Variants in PRELID2 observed in about 807,000 individuals in gnomAD.
The protein encoded by PRELID2 is PRELI domain-containing protein 2.
Under a neutral mutation model 28.4 loss-of-function variants are expected in PRELID2, and 25 were observed. The observed-to-expected ratio is 0.88, with a 90% CI of 0.64 to 1.23. PRELID2 has a LOEUF of 1.23. Ranked by LOEUF, PRELID2 falls within the 50% of genes most tolerant of loss-of-function variation. The pLI is 0.00. For synonymous variants in PRELID2, 76 were observed against 71.6 expected, an observed-to-expected ratio of 1.06 and a Z score of -0.31; for missense variants, 201 against 214.4, an observed-to-expected ratio of 0.94 and a Z score of 0.39.
At chr5:145,337,562 C>T in the PRELID2 span, among the ~76,000 whole-genome samples, 1 of 151,620 alleles carries the variant, frequency 6.6e-6, no homozygotes, top group Admixed American at 6.6e-5. Flanking sequence ...CCAACTTGCT[C>T]CTCAGGTCCA....
intron 1 of PRELID2, among the ~76,000 whole-genome samples, chr5:145,708,258 T>A (rs1472897828): frequency 1.4e-5 from 2 of 147,764 alleles, no homozygotes; most frequent in Non-Finnish European, 1.5e-5. Context: ...AAGGAAAAAA[T>A]AAATTTTGGA....
chr5:145,780,323 A>G (rs1382297812), intron 5 of PRELID2, among the ~76,000 whole-genome samples: 2 of 152,200 alleles, frequency 1.3e-5, no homozygotes, highest in Non-Finnish European at 2.9e-5. Flanking sequence ...ACAACTGATC[A>G]TTTGTTGTTG....
the PRELID2 span, among the ~76,000 whole-genome samples, chr5:145,248,594 C>T: frequency 1.3e-5 from 2 of 150,088 alleles, no homozygotes; most frequent in African/African-American, 5.0e-5. Context: ...AGAGATCGAT[C>T]GAGAACATCC....
chr5:145,673,624 T>C (rs1171687670), intron 1 of PRELID2, among the ~76,000 whole-genome samples: 2 of 151,944 alleles, frequency 1.3e-5, no homozygotes, highest in African/African-American at 2.4e-5. Flanking sequence ...TAAATATAAA[T>C]GGGCATAATA....
chr5:145,640,500 C>T (rs1227405199), intron 1 of PRELID2, among the ~76,000 whole-genome samples: 2 of 138,900 alleles, frequency 1.4e-5, no homozygotes, highest in Admixed American at 1.5e-4. Context: ...AAAAATTGGC[C>T]GGCCATGGTG....
At chr5:145,701,815 G>T (rs1423454884) in intron 1 of PRELID2, among the ~76,000 whole-genome samples, 4 of 152,184 alleles carry the variant, frequency 2.6e-5, no homozygotes, top group Non-Finnish European at 5.9e-5. Flanking sequence ...ACTTTGGGAG[G>T]CCAAGGTGGG....
At chr5:145,784,233 TAAA>T (rs11299722) in intron 5 of PRELID2, among the ~76,000 whole-genome samples, 22 of 136,224 alleles carry the variant, frequency 1.6e-4, no homozygotes, top group Admixed American at 2.9e-4. Context: ...GTGGTGAGCT[TAAA>T]AAAAAAAAAA....
the PRELID2 span, among the ~76,000 whole-genome samples, chr5:145,296,641 G>T: frequency 4.6e-3 from 697 of 152,156 alleles, 4 homozygotes; most frequent in African/African-American, 0.016. Context: ...GAATAGTGCC[G>T]CAATAAACAT....
intron 2 of PRELID2, 24 bp downstream of exon 2, chr5:145,823,053 G>GA (rs1450588761): frequency 4.7e-6 from 6 of 1,268,232 alleles, no homozygotes; most frequent in African/African-American, 2.9e-5. Flanking sequence ...GATCATTACT[G>GA]AAAAAACTGT....
At chr5:145,362,688 G>T in the PRELID2 span, among the ~76,000 whole-genome samples, 1 of 152,066 alleles carries the variant, frequency 6.6e-6, no homozygotes, top group Admixed American at 6.6e-5. Context: ...ATGAATTTTA[G>T]GCTTACTAAT....
chr5:145,523,576 G>A (rs1752581719), intron 1 of PRELID2, among the ~76,000 whole-genome samples: 1 of 152,116 alleles, frequency 6.6e-6, no homozygotes, highest in Non-Finnish European at 1.5e-5. Flanking sequence ...CTGGTAGGTG[G>A]CCACCATCTC....
chr5:145,638,363 T>C (rs1754038848), intron 1 of PRELID2, among the ~76,000 whole-genome samples: 1 of 152,184 alleles, frequency 6.6e-6, no homozygotes, highest in Non-Finnish European at 1.5e-5. Flanking sequence ...GCTGCTTTTA[T>C]CCTGACAACA....
At chr5:145,797,094 T>C (rs1036330552) in intron 4 of PRELID2, among the ~76,000 whole-genome samples, 5 of 152,156 alleles carry the variant, frequency 3.3e-5, no homozygotes, top group Non-Finnish European at 7.4e-5. Context: ...TGTCACCATC[T>C]CTACCAATTT....
At chr5:145,677,352 A>G (rs1291298528) in intron 1 of PRELID2, among the ~76,000 whole-genome samples, 2 of 151,942 alleles carry the variant, frequency 1.3e-5, no homozygotes, top group African/African-American at 4.8e-5. Context: ...ACAGGGTTTC[A>G]CCATGTTGGC....
chr5:145,548,159 T>A (rs771216143), intron 1 of PRELID2, among the ~76,000 whole-genome samples: 3 of 152,174 alleles, frequency 2.0e-5, no homozygotes, highest in Non-Finnish European at 4.4e-5. Flanking sequence ...ATCACCCAAG[T>A]TATAAAATGT....
chr5:145,377,465 A>C, the PRELID2 span, among the ~76,000 whole-genome samples: 1 of 151,338 alleles, frequency 6.6e-6, no homozygotes, highest in Non-Finnish European at 1.5e-5. Context: ...TCAGTGGGGA[A>C]TTAAAGTCTC....
At chr5:145,312,844 T>C in the PRELID2 span, among the ~76,000 whole-genome samples, 1,257 of 152,278 alleles carry the variant, frequency 8.3e-3, 5 homozygotes, top group Non-Finnish European at 0.014. Flanking sequence ...TTTTTCAACA[T>C]GTTGATTCTA....
intron 1 of PRELID2, among the ~76,000 whole-genome samples, chr5:145,508,524 A>C (rs1489197580): frequency 6.6e-6 from 1 of 151,930 alleles, no homozygotes; most frequent in Non-Finnish European, 1.5e-5. Context: ...TGGTGACTGA[A>C]TTCATTAAAG....
intron 1 of PRELID2, among the ~76,000 whole-genome samples, chr5:145,703,513 G>A (rs567101372): frequency 6.6e-6 from 1 of 152,302 alleles, no homozygotes; most frequent in Admixed American, 6.5e-5. Context: ...CCAGGGAAAA[G>A]AAAATGTCAG....
Sources: gnomAD v4.1 joint callset for allele counts (sites outside exome capture counted in the v4.1 genomes callset) on GRCh38, gnomAD v4.1.1 for gene constraint, MANE v1.5 for transcripts, NCBI Gene and HGNC (gene_info 2026-07-23, HGNC 2026-07-21) for gene names.